The following CADM1 variants were observed in gnomAD, a reference collection of about 807,000 sequenced individuals.
The protein encoded by CADM1 is TSLC-1.
A neutral mutation model predicts 53.1 loss-of-function variants in CADM1; 15 were observed. The observed-to-expected ratio is 0.28, with a 90% confidence interval of 0.19 to 0.44. The LOEUF (loss-of-function observed/expected upper bound fraction) is 0.44, where lower values mean the gene tolerates loss of function less well. CADM1 is among the 20% of genes least tolerant of loss of function. CADM1 has a pLI of 1.00. For missense variants in CADM1, 434 were observed against 611.3 expected (o/e 0.71, Z 3.06); for synonymous variants, 281 against 243.0 (o/e 1.16, Z -1.45).
chr11:115,342,951 T>G (rs1353670802), intron 1 of CADM1, among the ~76,000 whole-genome samples: 1 of 152,148 alleles, frequency 6.6e-6, no homozygotes, highest in African/African-American at 2.4e-5. Context: ...AGATAGCAAT[T>G]TCACTTCTAA....
intron 1 of CADM1, among the ~76,000 whole-genome samples, chr11:115,499,540 C>A (rs1333787782): frequency 1.3e-5 from 2 of 152,218 alleles, no homozygotes; most frequent in African/African-American, 2.4e-5. Flanking sequence ...CTTCAAAATA[C>A]AAAATATTTT....
At chr11:115,256,978 G>A in intron 1 of CADM1, 1 of 450,134 alleles carries the variant, frequency 2.2e-6, no homozygotes, top group South Asian at 1.6e-5. Flanking sequence ...AGTCATGCTT[G>A]TCACATTTAG....
At chr11:115,299,933 T>G (rs1411592719) in intron 1 of CADM1, among the ~76,000 whole-genome samples, 1 of 152,160 alleles carries the variant, frequency 6.6e-6, no homozygotes, top group Admixed American at 6.5e-5. Flanking sequence ...ACAAAGTGCA[T>G]TCAAGGAATC....
intron 9 of CADM1, among the ~76,000 whole-genome samples, chr11:115,192,931 C>A (rs751625809): frequency 6.6e-6 from 1 of 152,158 alleles, no homozygotes; most frequent in Non-Finnish European, 1.5e-5. Context: ...AAGCAGGAAG[C>A]CATTTAGGCT....
intron 1 of CADM1, among the ~76,000 whole-genome samples, chr11:115,390,219 T>G (rs1946800337): frequency 6.6e-6 from 1 of 152,170 alleles, no homozygotes; most frequent in South Asian, 2.1e-4. Flanking sequence ...TTCAAGCTAT[T>G]AATTTTTGAG....
intron 2 of CADM1, among the ~76,000 whole-genome samples, 155 bp from the exon 3 acceptor site, chr11:115,238,807 A>C (rs908733168): frequency 2.6e-5 from 4 of 152,072 alleles, no homozygotes; most frequent in African/African-American, 7.2e-5. Flanking sequence ...CCTTGTCCAA[A>C]GGAAACTTAC....
At chr11:115,427,068 C>A (rs1201243683) in intron 1 of CADM1, among the ~76,000 whole-genome samples, 1 of 152,070 alleles carries the variant, frequency 6.6e-6, no homozygotes, top group Non-Finnish European at 1.5e-5. Flanking sequence ...AAACCTAGTT[C>A]CCGAAACAAA....
chr11:115,491,225 T>C (rs1949489838), intron 1 of CADM1, among the ~76,000 whole-genome samples: 1 of 152,052 alleles, frequency 6.6e-6, no homozygotes, highest in African/African-American at 2.4e-5. Flanking sequence ...CGTTATATTG[T>C]ATGAAAAGGG....
intron 1 of CADM1, among the ~76,000 whole-genome samples, chr11:115,328,411 G>A (rs531358387): frequency 6.6e-6 from 1 of 151,882 alleles, no homozygotes; most frequent in South Asian, 2.1e-4. Flanking sequence ...GTTTGTAGAT[G>A]AAATTACATT....
At chr11:115,483,577 C>A (rs1949302312) in intron 1 of CADM1, among the ~76,000 whole-genome samples, 1 of 152,142 alleles carries the variant, frequency 6.6e-6, no homozygotes, top group South Asian at 2.1e-4. Context: ...AAGAAAAATT[C>A]ACAAGCCCAC....
chr11:115,283,805 T>C (rs1943648914), intron 1 of CADM1, among the ~76,000 whole-genome samples: 2 of 152,162 alleles, frequency 1.3e-5, no homozygotes, highest in African/African-American at 4.8e-5. Context: ...GTGCCACCTG[T>C]CGTAGTGTCT....
chr11:115,238,415 A>G (rs1942086826), intron 3 of CADM1, 85 bp downstream of exon 3: 3 of 1,398,736 alleles, frequency 2.1e-6, no homozygotes, highest in Non-Finnish European at 3.0e-6. Context: ...TGAACAGGAG[A>G]ATTCACCATT....
At chr11:115,386,880 T>A (rs986488950) in intron 1 of CADM1, among the ~76,000 whole-genome samples, 6 of 152,206 alleles carry the variant, frequency 3.9e-5, no homozygotes, top group African/African-American at 7.2e-5. Context: ...TACCCACTAT[T>A]CAAAGATGTT....
intron 1 of CADM1, among the ~76,000 whole-genome samples, chr11:115,295,535 TATATATATATATATA>T (rs1372082972): frequency 0.032 from 3,301 of 104,050 alleles, 262 homozygotes; most frequent in African/African-American, 0.15. Flanking sequence ...TATATATATA[TATATATATATATATA>T]ATATATATGT....
chr11:115,329,901 A>T (rs1030277839), intron 1 of CADM1, among the ~76,000 whole-genome samples: 2 of 150,558 alleles, frequency 1.3e-5, no homozygotes, highest in African/African-American at 4.9e-5. Context: ...TCCCCAGCTG[A>T]ACTCCTCTCG....
At chr11:115,418,727 C>T (rs1947676242) in intron 1 of CADM1, among the ~76,000 whole-genome samples, 1 of 152,294 alleles carries the variant, frequency 6.6e-6, no homozygotes, top group Non-Finnish European at 1.5e-5. Context: ...CAAATCCTAT[C>T]TCCATTACAC....
chr11:115,245,538 T>C (rs976204470), intron 1 of CADM1, among the ~76,000 whole-genome samples: 6 of 152,232 alleles, frequency 3.9e-5, no homozygotes, highest in African/African-American at 1.4e-4. Flanking sequence ...ATACTATTTT[T>C]ACAACCCTGT....
chr11:115,393,393 A>G (rs1946895159), intron 1 of CADM1, among the ~76,000 whole-genome samples: 1 of 151,826 alleles, frequency 6.6e-6, no homozygotes, highest in African/African-American at 2.4e-5. Context: ...TTAGAATTAG[A>G]AAAAAATTTT....
At chr11:115,308,211 T>TATATATATATATATATATATACAC (rs139012671) in intron 1 of CADM1, among the ~76,000 whole-genome samples, 43 of 139,422 alleles carry the variant, frequency 3.1e-4, no homozygotes, top group Middle Eastern at 3.6e-3. Flanking sequence ...TATATATATA[T>TATATATATATATATATATATACAC]ACACACCTAT....
Sources: gnomAD v4.1 joint callset for allele counts (sites outside exome capture counted in the v4.1 genomes callset) on GRCh38, gnomAD v4.1.1 for gene constraint, MANE v1.5 for transcripts, NCBI Gene and HGNC (gene_info 2026-07-23, HGNC 2026-07-21) for gene names.